Variants in CRPPA observed in about 807,000 individuals in gnomAD.
CRPPA encodes CDP-L-ribitol pyrophosphorylase A.
In CRPPA, 43 loss-of-function variants were observed where a neutral mutation model predicts 52.0. The observed-to-expected ratio is 0.83, with a 90% confidence interval of 0.65 to 1.07. The LOEUF is 1.07. Among genes scored for constraint, CRPPA ranks in the 50% least tolerant of loss-of-function variants. The pLI, the probability that CRPPA is intolerant of heterozygous loss-of-function variation, is 0.00. For synonymous variants in CRPPA, 250 were observed against 203.5 expected (o/e 1.23, Z -1.94); for missense variants, 629 against 551.7 (o/e 1.14, Z -1.40).
At chr7:16,397,980 C>T (rs554540337) in intron 2 of CRPPA, among the ~76,000 whole-genome samples, 15 of 152,334 alleles carry the variant, frequency 9.8e-5, no homozygotes, top group Admixed American at 2.6e-4. Context: ...TGCCATTGAC[C>T]TTACCACCTA....
intron 1 of CRPPA, among the ~76,000 whole-genome samples, chr7:16,410,756 G>C (rs553678702): frequency 6.6e-6 from 1 of 152,176 alleles, no homozygotes; most frequent in African/African-American, 2.4e-5. Flanking sequence ...CTCATACTCA[G>C]GTATTTGCAT....
intron 9 of CRPPA, among the ~76,000 whole-genome samples, chr7:16,124,883 A>C (rs1782545887): frequency 1.3e-5 from 2 of 152,028 alleles, no homozygotes. Flanking sequence ...AAATATATAT[A>C]ATCTCCTATT....
At chr7:16,283,123 G>T (rs560208917) in intron 5 of CRPPA, among the ~76,000 whole-genome samples, 27 of 151,812 alleles carry the variant, frequency 1.8e-4, no homozygotes, top group African/African-American at 6.0e-4. Flanking sequence ...CTATTGCACT[G>T]ATTTTTTATG....
intron 8 of CRPPA, among the ~76,000 whole-genome samples, chr7:16,246,486 G>C (rs905431505): frequency 6.6e-6 from 1 of 152,110 alleles, no homozygotes; most frequent in Admixed American, 6.6e-5. Flanking sequence ...CTTTCCAGAA[G>C]GTTTTCAATT....
chr7:16,150,674 A>G (rs1340321091), intron 9 of CRPPA, among the ~76,000 whole-genome samples: 3 of 152,248 alleles, frequency 2.0e-5, no homozygotes, highest in African/African-American at 7.2e-5. Context: ...ATAAGAAAAT[A>G]TGAAAGATGC....
At chr7:16,227,418 A>C (rs997484013) in intron 8 of CRPPA, among the ~76,000 whole-genome samples, 1 of 151,758 alleles carries the variant, frequency 6.6e-6, no homozygotes, top group Non-Finnish European at 1.5e-5. Context: ...TCCTTTTCAT[A>C]ACAGCCATTC....
Position 16,113,601 on chromosome 7 carries a change from T to A in CRPPA, c.1252-21802A>T, listed in dbSNP as rs528779436. On this transcript the variant is annotated intron_variant, in intron 9 of 9. Transcript: ENST00000407010. Reference sequence around the variant, plus strand: ...CAGACCAACAATTAGCCTGGCAGCGTCTCTCCCAAAAATAATGGTAGCAAG... The same window carrying A: ...CAGACCAACAATTAGCCTGGCAGCGACTCTCCCAAAAATAATGGTAGCAAG... Among the ~76,000 whole-genome samples the A allele has an allele frequency of 2.6e-5, 4 of 152,136 alleles. No individual in the cohort carries two copies. In the South Asian group the frequency reaches 8.3e-4, roughly 32 times the overall value.
chr7:16,327,825 GGCAACAT>G (rs1785452972), intron 3 of CRPPA, among the ~76,000 whole-genome samples: 1 of 151,968 alleles, frequency 6.6e-6, no homozygotes, highest in Admixed American at 6.6e-5. Flanking sequence ...GTAATAAAGG[GGCAACAT>G]GCAACACATA....
intron 3 of CRPPA, among the ~76,000 whole-genome samples, chr7:16,352,879 G>GCACACACACACA (rs56733439): frequency 3.5e-5 from 5 of 142,312 alleles, no homozygotes; most frequent in African/African-American, 1.3e-4. Context: ...AAGTAACATG[G>GCACACACACACA]CACACACACA....
chr7:16,195,359 A>T (rs918655600), intron 9 of CRPPA, among the ~76,000 whole-genome samples: 4 of 152,094 alleles, frequency 2.6e-5, no homozygotes, highest in Non-Finnish European at 4.4e-5. Flanking sequence ...CACTCTCTTA[A>T]TACTTCACTG....
intron 9 of CRPPA, among the ~76,000 whole-genome samples, chr7:16,135,701 C>T (rs74813849): frequency 0.012 from 1,762 of 152,250 alleles, 42 homozygotes; most frequent in African/African-American, 0.04. Context: ...GAATTCTGTA[C>T]TTTGAAAATA....
chr7:16,285,065 T>C (rs1436996855), intron 5 of CRPPA, among the ~76,000 whole-genome samples: 1 of 152,120 alleles, frequency 6.6e-6, no homozygotes. Flanking sequence ...ATACTGATAA[T>C]TTTCTCAAAG....
intron 9 of CRPPA, among the ~76,000 whole-genome samples, chr7:16,177,625 G>T (rs1361580817): frequency 6.6e-6 from 1 of 151,776 alleles, no homozygotes; most frequent in Admixed American, 6.6e-5. Context: ...AATACCAAGA[G>T]GAATTATTTT....
At chr7:16,362,906 C>A (rs1786495647) in intron 3 of CRPPA, among the ~76,000 whole-genome samples, 1 of 152,032 alleles carries the variant, frequency 6.6e-6, no homozygotes, top group African/African-American at 2.4e-5. Context: ...TCTCTTCCTC[C>A]AACACCAACT....
chr7:16,220,399 T>A (rs1782465996), intron 8 of CRPPA, among the ~76,000 whole-genome samples: 1 of 86,494 alleles, frequency 1.2e-5, no homozygotes, highest in Non-Finnish European at 2.2e-5. Flanking sequence ...AGGGATGCCC[T>A]CTCTCACCAC....
chr7:16,328,628 C>T (rs1451407006), intron 3 of CRPPA, among the ~76,000 whole-genome samples: 1 of 152,160 alleles, frequency 6.6e-6, no homozygotes, highest in Admixed American at 6.5e-5. Flanking sequence ...GATTCTCCTG[C>T]CTCAGCCTCC....
chr7:16,250,196 C>T (rs1783406831), intron 8 of CRPPA, among the ~76,000 whole-genome samples: 1 of 152,102 alleles, frequency 6.6e-6, no homozygotes, highest in Admixed American at 6.5e-5. Context: ...AAGAAATGAA[C>T]AAAGCCTCCA....
At position 16,129,043 on chromosome 7, in the gene CRPPA, T is replaced by C. The variant is rs114321651; in HGVS notation, c.1252-37244A>G. On this transcript the variant is annotated intron_variant, in intron 9 of 9. Coordinates refer to ENST00000407010, the MANE Select transcript of CRPPA (RefSeq NM_001101426.4). Reference sequence around the variant, plus strand: ...AGAGTAAAAGCATATGAGCGAAAGATTCAAAATTTCAGTAATCCATCCAAT... The same window carrying C: ...AGAGTAAAAGCATATGAGCGAAAGACTCAAAATTTCAGTAATCCATCCAAT... 6.7e-3 allele frequency among the ~76,000 whole-genome samples: 1,025 copies of C among 152,282 alleles called. 12 individuals carry two copies. Among genetic ancestry groups the C allele is most frequent in the African/African-American group, 0.024 (982 of 41,580 alleles).
intron 9 of CRPPA, among the ~76,000 whole-genome samples, chr7:16,161,349 A>G (rs914080097): frequency 3.3e-5 from 5 of 152,134 alleles, no homozygotes; most frequent in South Asian, 4.1e-4. Flanking sequence ...TTATTTTGAG[A>G]TATGTTCCAC....
Sources: gnomAD v4.1 joint callset for allele counts (sites outside exome capture counted in the v4.1 genomes callset) on GRCh38, gnomAD v4.1.1 for gene constraint, MANE v1.5 for transcripts, NCBI Gene and HGNC (gene_info 2026-07-23, HGNC 2026-07-21) for gene names.